The following POC5 variants were observed in gnomAD, a reference collection of about 807,000 sequenced individuals.
POC5 encodes centrosomal protein POC5.
POC5 carries 48 observed loss-of-function variants against 62.9 expected under a neutral mutation model. The ratio of observed to expected loss-of-function variants is 0.76; its 90% CI spans 0.61 to 0.97. The LOEUF is 0.97. Ranked by LOEUF, POC5 falls within the 50% of genes least tolerant of loss-of-function variation. POC5 has a pLI of 0.00. For missense variants in POC5, 696 were observed against 679.5 expected, an observed-to-expected ratio of 1.02 and a Z score of -0.27; for synonymous variants, 236 against 228.2, an observed-to-expected ratio of 1.03 and a Z score of -0.31.
At chr5:75,697,567 G>T (rs960694570) in intron 5 of POC5, among the ~76,000 whole-genome samples, 4 of 152,034 alleles carry the variant, frequency 2.6e-5, no homozygotes, top group African/African-American at 9.7e-5. Flanking sequence ...GCTAAACATG[G>T]AAAGGAACAA....
chr5:75,696,959 T>A (rs964202261), intron 5 of POC5, among the ~76,000 whole-genome samples: 2 of 151,576 alleles, frequency 1.3e-5, no homozygotes, highest in Non-Finnish European at 2.9e-5. Flanking sequence ...GTATCAGCAA[T>A]GGAAGATGAA....
chr5:75,677,851 T>C lies in POC5; in HGVS notation c.1507A>G (p.Ser503Gly), dbSNP rs1196309448. 1.2e-6 allele frequency: 2 copies of C among 1,612,660 alleles called. No individual in the cohort carries two copies. Among genetic ancestry groups the C allele is most frequent in the South Asian group, 2.2e-5 (2 of 90,868 alleles). The change falls in exon 11 of 12, where the codon AGC (serine) becomes GGC (glycine). Residue 503 changes from serine (S) to glycine (G), a missense_variant. Ser to Gly is a moderately conservative substitution (Grantham distance 56, BLOSUM62 0). Coordinates refer to ENST00000428202, the MANE Select transcript of POC5 (RefSeq NM_001099271.2). Reference sequence around the variant, plus strand: ...ACTCCCATTATAGCTAAACTGCTGCTAATTCTATTTTTTGAAGCAAAATCA... The same window carrying C: ...ACTCCCATTATAGCTAAACTGCTGCCAATTCTATTTTTTGAAGCAAAATCA... ...RCDFASKNRISSSLAIMGVSP... is the reference protein window; with the variant it reads ...RCDFASKNRIGSSLAIMGVSP...
At chr5:75,712,775 T>C in intron 2 of POC5, 79 bp downstream of exon 2, 1 of 1,120,494 alleles carries the variant, frequency 8.9e-7, no homozygotes, top group Non-Finnish European at 1.3e-6. Context: ...GAAAAAATTA[T>C]TAAAAAATCC....
intron 2 of POC5, 92 bp from the exon 3 acceptor site, chr5:75,707,967 T>C: frequency 6.0e-6 from 7 of 1,160,346 alleles, no homozygotes; most frequent in Non-Finnish European, 8.4e-6. Flanking sequence ...TTAATTACCA[T>C]AATAGAGTCC....
Position 75,674,529 on chromosome 5 carries a change from G to T in POC5, c.1634C>A (p.Pro545His), listed in dbSNP as rs1227780971. The change falls in exon 12 of 12, where the codon CCT becomes CAT. Residue 545 changes from proline to histidine, a missense_variant. Coordinates refer to ENST00000428202, the MANE Select transcript of POC5 (RefSeq NM_001099271.2). ...TAAKYPRTIHPESSTSASRSL... is the reference protein window; with the variant it reads ...TAAKYPRTIHHESSTSASRSL... ...TCTGGAAGCTGAGGTACTACTTTCA[G>T]GATGAATGGTCCGGGGATATTTTGC... The T allele has an allele frequency of 6.2e-7, 1 of 1,613,988 alleles. No homozygotes were observed. Among genetic ancestry groups the T allele is most frequent in the East Asian group, 2.2e-5 (1 of 44,876 alleles).
rs766068031 is a variant in POC5, at chr5:75,702,742, A to T, written c.376T>A (p.Leu126Ile). The change falls in exon 5 of 12, where the codon TTA becomes ATA. Residue 126 changes from leucine (L) to isoleucine (I), a missense_variant. Leu to Ile is a conservative substitution (Grantham distance 5). Coordinates refer to ENST00000428202, the MANE Select transcript of POC5 (RefSeq NM_001099271.2). ...GTTGCTGGTGAGGAAGAGTCAGCTAAAAGATGTGAACTGAAAAAATCCATG... is the reference window on the plus strand; with the variant it reads ...GTTGCTGGTGAGGAAGAGTCAGCTATAAGATGTGAACTGAAAAAATCCATG... ...PVMDFFSSHL[L>I]ADSSSPATNS... 3.1e-6 allele frequency: 5 copies of T among 1,602,542 alleles called. No homozygotes were observed. The highest frequency in any genetic ancestry group is 4.3e-6 in the Non-Finnish European group (5 of 1,173,988).
intron 3 of POC5, among the ~76,000 whole-genome samples, chr5:75,706,364 T>C (rs770854673): frequency 3.9e-5 from 6 of 152,218 alleles, no homozygotes; most frequent in Admixed American, 2.6e-4. Context: ...TGAATTTACA[T>C]AGAAGACTTT....
chr5:75,691,170 A>T (rs1198182105), intron 7 of POC5, among the ~76,000 whole-genome samples: 2 of 152,260 alleles, frequency 1.3e-5, no homozygotes, highest in East Asian at 3.8e-4. Flanking sequence ...AGCCTCAACT[A>T]TTCTGGCTAA....
intron 11 of POC5, 191 bp downstream of exon 11, chr5:75,677,583 A>T: frequency 8.4e-6 from 3 of 356,680 alleles, no homozygotes; most frequent in Non-Finnish European, 4.9e-6. Flanking sequence ...GCAGAAACGT[A>T]GATTTATAGC....
At chr5:75,707,982 C>G in intron 2 of POC5, 107 bp from the exon 3 acceptor site, 1 of 996,458 alleles carries the variant, frequency 1.0e-6, no homozygotes, top group Non-Finnish European at 1.4e-6. Context: ...GAGTCCCATG[C>G]TTATTATATT....
At chr5:75,694,897 G>A in intron 5 of POC5, 66 bp from the exon 6 acceptor site, 2 of 1,094,128 alleles carry the variant, frequency 1.8e-6, no homozygotes, top group Non-Finnish European at 2.6e-6. Flanking sequence ...AAACTACACT[G>A]AAATAAAGAA....
At chr5:75,713,550 T>A (rs1022939476) in intron 1 of POC5, among the ~76,000 whole-genome samples, 3 of 152,196 alleles carry the variant, frequency 2.0e-5, no homozygotes, top group African/African-American at 7.2e-5. Context: ...TCCTCATTCT[T>A]AAGGAGTTTA....
chr5:75,682,640 T>C (rs1775912644), intron 10 of POC5, among the ~76,000 whole-genome samples: 1 of 151,208 alleles, frequency 6.6e-6, no homozygotes, highest in Non-Finnish European at 1.5e-5. Flanking sequence ...CTCGGCCTCC[T>C]GAGTAGCTGG....
At chr5:75,676,427 A>G (rs962065592) in intron 11 of POC5, among the ~76,000 whole-genome samples, 7 of 152,190 alleles carry the variant, frequency 4.6e-5, no homozygotes, top group African/African-American at 1.7e-4. Context: ...CCATGTCTCT[A>G]TCTGGACTTG....
At chr5:75,696,412 G>A (rs1247804138) in intron 5 of POC5, among the ~76,000 whole-genome samples, 4 of 152,120 alleles carry the variant, frequency 2.6e-5, no homozygotes, top group Non-Finnish European at 5.9e-5. Context: ...CCTGACCTCC[G>A]AGCAGCCTAA....
chr5:75,700,791 A>C lies in POC5; in HGVS notation c.513+1814T>G, dbSNP rs1253154502. On this transcript the variant is annotated intron_variant, in intron 5 of 11. Transcript: ENST00000428202. ...ATCAGAGTGAACAGGCAACCTACAAAACGGGAGAAAATTTTCACAACCTAC... is the reference window on the plus strand; with the variant it reads ...ATCAGAGTGAACAGGCAACCTACAACACGGGAGAAAATTTTCACAACCTAC... Among the ~76,000 whole-genome samples the C allele has an allele frequency of 4.3e-5, 6 of 139,368 alleles. 1 individual carries two copies. Among genetic ancestry groups the C allele is most frequent in the African/African-American group, 5.1e-5 (2 of 39,204 alleles). 91.4% of individuals were successfully genotyped at this position (139,368 alleles called of 152,430 possible).
In POC5 at chr5:75,694,671, A is replaced by T. The variant is rs773455229; in HGVS notation, c.674T>A (p.Ile225Asn). The T allele has an allele frequency of 1.2e-5, 19 of 1,560,086 alleles. No individual in the cohort carries two copies. The highest frequency in any genetic ancestry group is 4.1e-5 in the Admixed American group (2 of 48,280). The change falls in exon 6 of 12, where the codon ATT (isoleucine) becomes AAT (asparagine). Residue 225 changes from isoleucine (I) to asparagine (N), a missense_variant. Ile to Asn is a moderately radical substitution (Grantham distance 149, BLOSUM62 -3). Coordinates refer to ENST00000428202, the MANE Select transcript of POC5 (RefSeq NM_001099271.2). Reference sequence around the variant, plus strand: ...AAAGAAGACCTCATCTTTTCTCCCAATGGAGATTTCAAAGGTTTTTTGCAG... The same window carrying T: ...AAAGAAGACCTCATCTTTTCTCCCATTGGAGATTTCAAAGGTTTTTTGCAG... ...KELQKTFEISIGRKDEVISSL... is the reference protein window; with the variant it reads ...KELQKTFEISNGRKDEVISSL...
In POC5 at chr5:75,705,732, G is replaced by C; in HGVS notation, c.279C>G (p.Phe93Leu). 1 of 1,551,430 alleles carries C rather than the reference G, an allele frequency of 6.4e-7. No individual in the cohort carries two copies. The highest frequency in any genetic ancestry group is 2.4e-5 in the East Asian group (1 of 42,144). The change falls in exon 4 of 12, where the codon TTC becomes TTG. Residue 93 changes from phenylalanine (F) to leucine (L), a missense_variant. Phe to Leu is a conservative substitution (Grantham distance 22). Coordinates refer to ENST00000428202, the MANE Select transcript of POC5 (RefSeq NM_001099271.2). ...CTGTCTTTGAATGACTTGAAATATG[G>C]AAATCACATCCTTTTCCAACTTCTA... ...TAIEVGKGCDFHISSHSKTDE... is the reference protein window; with the variant it reads ...TAIEVGKGCDLHISSHSKTDE...
At chr5:75,707,231 A>G (rs3797580) in intron 3 of POC5, among the ~76,000 whole-genome samples, 63,966 of 152,056 alleles carry the variant, frequency 0.42, 13,809 homozygotes, top group South Asian at 0.56. Flanking sequence ...ATCCTGGTTT[A>G]TAGTAGCTTT....
Sources: allele counts gnomAD v4.1 joint callset (sites outside exome capture counted in the v4.1 genomes callset), GRCh38; gene constraint gnomAD v4.1.1; transcripts MANE v1.5; gene names NCBI Gene and HGNC (gene_info 2026-07-23, HGNC 2026-07-21).